The following ADGRB1 variants were observed in gnomAD, a reference collection of about 807,000 sequenced individuals.
The protein encoded by ADGRB1 is adhesion G protein-coupled receptor B1, also known as brain-specific angiogenesis inhibitor 1.
ADGRB1 carries 36 observed loss-of-function variants against 175.7 expected under a neutral mutation model. The ratio of observed to expected loss-of-function variants is 0.20; its 90% confidence interval spans 0.16 to 0.27. The LOEUF (loss-of-function observed/expected upper bound fraction) is 0.27, where lower values mean the gene tolerates loss of function less well. Among genes scored for constraint, ADGRB1 ranks in the 10% least tolerant of loss-of-function variants. The pLI is 1.00. For synonymous variants in ADGRB1, 1,054 were observed against 979.4 expected (o/e 1.08, Z -1.42); for missense variants, 1,731 against 2,255.3 (o/e 0.77, Z 4.71).
intron 13 of ADGRB1, among the ~76,000 whole-genome samples, chr8:142,486,009 C>A (rs7386480): frequency 0.3 from 45,433 of 152,014 alleles, 9,056 homozygotes; most frequent in African/African-American, 0.56. Flanking sequence ...GCCACCCTCG[C>A]CCTCCCAAAG....
At chr8:142,471,089 G>A (rs1419195132) in intron 2 of ADGRB1, among the ~76,000 whole-genome samples, 1 of 152,124 alleles carries the variant, frequency 6.6e-6, no homozygotes, top group African/African-American at 2.4e-5. Flanking sequence ...GGTCTCCACT[G>A]TCAGGGGTTT....
rs77066672 is a variant in ADGRB1, at chr8:142,518,126, C to T, written c.2818-12C>T. ...TGCCTCACTCCCTGCGGTCTCTTCCCGGTCCCCACAGAACATGGAGAAGGC... is the reference window on the plus strand; with the variant it reads ...TGCCTCACTCCCTGCGGTCTCTTCCTGGTCCCCACAGAACATGGAGAAGGC... On this transcript the variant is annotated splice_polypyrimidine_tract_variant and intron_variant, in intron 18 of 30. Transcript: ENST00000517894. 11,945 of 1,612,804 alleles carry T rather than the reference C, an allele frequency of 7.4e-3. 338 individuals are homozygous for T. The highest frequency in any genetic ancestry group is 0.07 in the African/African-American group (5,219 of 74,978).
intron 2 of ADGRB1, among the ~76,000 whole-genome samples, chr8:142,473,964 C>T (rs545177901): frequency 6.6e-6 from 1 of 152,348 alleles, no homozygotes; most frequent in South Asian, 2.1e-4. Context: ...CGGGAGTCAA[C>T]TCTGACCCAA....
At chr8:142,538,362 C>T (rs2132262004) in intron 26 of ADGRB1, among the ~76,000 whole-genome samples, 1 of 152,328 alleles carries the variant, frequency 6.6e-6, no homozygotes, top group East Asian at 1.9e-4. Flanking sequence ...GAGACGGCCA[C>T]TTCGGCTCTT....
intron 1 of ADGRB1, among the ~76,000 whole-genome samples, chr8:142,456,016 C>T (rs1165239990): frequency 6.6e-6 from 1 of 152,082 alleles, no homozygotes; most frequent in Non-Finnish European, 1.5e-5. Context: ...TGGTGAGGCC[C>T]CAGTTCCAGC....
chr8:142,464,244 C>T lies in ADGRB1; in HGVS notation c.46C>T (p.Pro16Ser), dbSNP rs1587255227. 7.5e-7 allele frequency: 1 copy of T among 1,339,848 alleles called. No individual in the cohort carries two copies. 83.0% of individuals were successfully genotyped at this position (1,339,848 alleles called of 1,614,324 possible). A position where few individuals can be genotyped will look rare whatever the true frequency, so the allele number is the denominator to read the frequency against. Residue 16 changes from proline (P) to serine (S), a missense_variant, in exon 2 of 31, where the codon CCG becomes TCG. This residue lies in a region of ADGRB1 where 383 missense variants were observed against 383.1 expected (regional missense o/e 1.00). Transcript: ENST00000517894. ...AAPGPVWILA[P>S]LLLLLLLLGR... The stretch of plus-strand genomic sequence containing the variant: ...CCCGGGCCCCGTCTGGATCCTCGCC[C>T]CGCTGCTACTGCTGCTGCTGCTGCT...
At chr8:142,453,938 G>A (rs541411869) in intron 1 of ADGRB1, among the ~76,000 whole-genome samples, 1 of 152,100 alleles carries the variant, frequency 6.6e-6, no homozygotes, top group Non-Finnish European at 1.5e-5. Flanking sequence ...GGCATTGTGC[G>A]GGTGTGAGAA....
Position 142,544,552 on chromosome 8 carries a change from G to T in ADGRB1, c.*135G>T. ...CCCGGCCTCAGGGCGCTCAGACGGC[G>T]GCCAGGCACAGGGCCCGCAGTGCTG... On this transcript the variant is annotated 3_prime_UTR_variant, in exon 31 of 31. Coordinates refer to ENST00000517894, the MANE Select transcript of ADGRB1 (RefSeq NM_001702.3). 1 of 1,104,916 alleles carries T rather than the reference G, an allele frequency of 9.1e-7. No individual in the cohort carries two copies. Among genetic ancestry groups the T allele is most frequent in the Non-Finnish European group, 1.2e-6 (1 of 834,230 alleles). The allele number at this position is 1,104,916 out of a possible 1,614,324, so 68.4% of individuals were successfully genotyped here.
At position 142,492,475 on chromosome 8, in the gene ADGRB1, C is replaced by T. The variant is rs568117535; in HGVS notation, c.2675+1660C>T. ...GGGCCTTTGCAAGCAGGGTCATGCA[C>T]GCCTCCGAGGGAAGGGGAGGTTTCG... is the stretch of plus-strand genomic sequence containing the variant. On this transcript the variant is annotated intron_variant, in intron 17 of 30. Coordinates refer to ENST00000517894, the MANE Select transcript of ADGRB1 (RefSeq NM_001702.3). This position sits in a 1 kb window ranked among gnomAD's most constrained non-coding sequence, Gnocchi z 4.4. Among the ~76,000 whole-genome samples the T allele has an allele frequency of 4.6e-5, 7 of 152,248 alleles. No homozygotes were observed. The highest frequency in any genetic ancestry group is 3.9e-4 in the East Asian group (2 of 5,158).
In ADGRB1 at chr8:142,542,631, C is replaced by T; in HGVS notation, c.4397C>T (p.Ser1466Phe). The change falls in exon 28 of 31, where the codon TCT (serine) becomes TTT (phenylalanine). Residue 1466 changes from serine to phenylalanine, a missense_variant. Transcript: ENST00000517894. The surrounding 1 kb of genome is among the most constrained non-coding windows in gnomAD (Gnocchi z 6.3). Reference protein sequence around the residue: ...STKNENVATLSVSSLERRKSR... With the variant: ...STKNENVATLFVSSLERRKSR... ...AAGAACGAGAATGTCGCCACCTTGT[C>T]TGTGAGCTCCCTGGAGGTGAGGGGG... 6.4e-7 allele frequency: 1 copy of T among 1,551,174 alleles called. No homozygotes were observed. The highest frequency in any genetic ancestry group is 8.7e-7 in the Non-Finnish European group (1 of 1,148,664).
At chr8:142,508,658 G>T (rs532132305) in intron 17 of ADGRB1, among the ~76,000 whole-genome samples, 4 of 152,236 alleles carry the variant, frequency 2.6e-5, no homozygotes, top group African/African-American at 9.6e-5. Context: ...GGCTGGGTAA[G>T]TGTGGAGGAT....
rs1171993647 is a variant in ADGRB1, at chr8:142,524,291, C to T, written c.3299C>T (p.Ala1100Val). 1 of 1,600,028 alleles carries T rather than the reference C, an allele frequency of 6.2e-7. No individual in the cohort carries two copies. The highest frequency in any genetic ancestry group is 8.5e-7 in the Non-Finnish European group (1 of 1,178,536). ...GLLYAFVGPA[A>V]AVVLVNMVIG... ...CTCTATGCCTTCGTGGGACCTGCCG[C>T]TGCCGTTGTGCTGGTACTGACCCGC... Residue 1100 changes from alanine (A) to valine (V), a missense_variant, in exon 23 of 31, where the codon GCT becomes GTT. Coordinates refer to ENST00000517894, the MANE Select transcript of ADGRB1 (RefSeq NM_001702.3).
chr8:142,490,798 G>A lies in ADGRB1; in HGVS notation c.2658G>A (p.Leu886=). The change falls in exon 17 of 31, where the codon CTG becomes CTA. Residue 886 remains leucine (L), a synonymous_variant. Transcript: ENST00000517894. ...YNGTTNQTCI[L]WDETDVPSSS... ...GCACCACCAACCAGACCTGTATCCT[G>A]TGGGATGAGACGGATGTGTAAGTTC... is the stretch of plus-strand genomic sequence containing the variant. The A allele has an allele frequency of 6.3e-7, 1 of 1,585,148 alleles. No individual in the cohort carries two copies.
At chr8:142,470,017 A>G (rs1840565394) in intron 2 of ADGRB1, among the ~76,000 whole-genome samples, 1 of 152,226 alleles carries the variant, frequency 6.6e-6, no homozygotes, top group Admixed American at 6.5e-5. Flanking sequence ...AGGAGCAAGC[A>G]GGCAGCCCAG....
At chr8:142,490,648 C>G in intron 16 of ADGRB1, 124 bp from the exon 17 acceptor site, 1 of 1,141,984 alleles carries the variant, frequency 8.8e-7, no homozygotes, top group African/African-American at 1.6e-5. Context: ...AAAACGCAGT[C>G]TGTTCAGGGA....
intron 2 of ADGRB1, among the ~76,000 whole-genome samples, chr8:142,469,163 G>GTGAA (rs33918895): frequency 1.4e-3 from 2 of 1,404 alleles, no homozygotes; most frequent in African/African-American, 4.7e-3. Flanking sequence ...GTGCATGTGT[G>GTGAA]TGTGTGTGCA....
At chr8:142,469,331 A>ATG (rs1381285998) in intron 2 of ADGRB1, among the ~76,000 whole-genome samples, 1 of 148,456 alleles carries the variant, frequency 6.7e-6, no homozygotes, top group Non-Finnish European at 1.5e-5. Context: ...GTGCACATGC[A>ATG]TGTGTGTGAA....
rs765242878 is a variant in ADGRB1 at position 142,484,753 on chromosome 8, C to A, written c.2297C>A (p.Thr766Lys). The A allele has an allele frequency of 6.2e-7, 1 of 1,605,478 alleles. No individual in the cohort carries two copies. Residue 766 changes from threonine (T) to lysine (K), a missense_variant, in exon 13 of 31, where the codon ACA becomes AAA. Physicochemically the swap from Thr to Lys is moderately conservative, Grantham distance 78. Around this residue, in one of 8 missense-constraint regions of ADGRB1, gnomAD observed 388 missense variants for 630.9 expected, o/e 0.61. Transcript: ENST00000517894. ...MKDLRDAYQV[T>K]DNLVLSIHKL... ...GACCTGAGGGATGCATACCAGGTGA[C>A]AGACAACCTGGGTAAGCCTGCCCGC...
At chr8:142,476,118 C>T (rs1840959590) in intron 3 of ADGRB1, among the ~76,000 whole-genome samples, 1 of 152,260 alleles carries the variant, frequency 6.6e-6, no homozygotes, top group African/African-American at 2.4e-5. Flanking sequence ...TAATAAGGCT[C>T]TCTAATGACC....
Sources: gnomAD v4.1 joint callset for allele counts (sites outside exome capture counted in the v4.1 genomes callset) on GRCh38, gnomAD v4.1.1 for gene constraint, gnomAD v4.1.1 regional missense constraint, Gnocchi (gnomAD v3.1) non-coding constraint, MANE v1.5 for transcripts, NCBI Gene and HGNC (gene_info 2026-07-23, HGNC 2026-07-21) for gene names.